The following NOS1AP variants were observed in gnomAD, a reference collection of about 807,000 sequenced individuals.
NOS1AP encodes carboxyl-terminal PDZ ligand of neuronal nitric oxide synthase protein.
In NOS1AP, 21 loss-of-function variants were observed where a neutral mutation model predicts 56.2. The observed-to-expected ratio is 0.37, with a 90% CI of 0.26 to 0.54. NOS1AP has a LOEUF of 0.54. Among genes scored for constraint, NOS1AP ranks in the 20% least tolerant of loss-of-function variants. NOS1AP has a pLI of 0.84. For synonymous variants in NOS1AP, 270 were observed against 274.6 expected (o/e 0.98, Z 0.17); for missense variants, 522 against 657.8 (o/e 0.79, Z 2.26).
At chr1:162,364,250 C>T (rs1657993713) in intron 8 of NOS1AP, 1 of 985,554 alleles carries the variant, frequency 1.0e-6, no homozygotes, top group African/African-American at 1.7e-5. Context: ...ACTCACCTGG[C>T]TCTGTCTTTA....
At chr1:162,200,636 A>G (rs1452103357) in intron 2 of NOS1AP, among the ~76,000 whole-genome samples, 2 of 152,202 alleles carry the variant, frequency 1.3e-5, no homozygotes, top group African/African-American at 4.8e-5. Context: ...TCAGAGTGAT[A>G]TCACCCCTGA....
At chr1:162,328,382 G>A (rs1656661711) in intron 4 of NOS1AP, among the ~76,000 whole-genome samples, 1 of 152,146 alleles carries the variant, frequency 6.6e-6, no homozygotes. Context: ...CTTAAGAAAG[G>A]AGTAAATATA....
At chr1:162,258,433 A>G (rs1654104565) in intron 2 of NOS1AP, among the ~76,000 whole-genome samples, 2 of 152,118 alleles carry the variant, frequency 1.3e-5, no homozygotes, top group Non-Finnish European at 2.9e-5. Flanking sequence ...TGGGAGACAT[A>G]GGTGCATCTT....
intron 2 of NOS1AP, among the ~76,000 whole-genome samples, chr1:162,238,986 C>A (rs76234443): frequency 6.6e-6 from 1 of 152,074 alleles, no homozygotes; most frequent in African/African-American, 2.4e-5. Context: ...ATCTGTAGAC[C>A]TATTCCTAGA....
chr1:162,274,065 T>C (rs1654666771), intron 2 of NOS1AP, among the ~76,000 whole-genome samples: 3 of 152,200 alleles, frequency 2.0e-5, no homozygotes, highest in Non-Finnish European at 4.4e-5. Context: ...TTTCCCTTTC[T>C]CTAGGGTAAA....
intron 2 of NOS1AP, among the ~76,000 whole-genome samples, chr1:162,230,742 C>T (rs1003551286): frequency 5.3e-5 from 8 of 152,236 alleles, no homozygotes; most frequent in Non-Finnish European, 1.0e-4. Flanking sequence ...TGGAATTATG[C>T]AGTATTTGTT....
chr1:162,102,998 G>A (rs955418291), intron 1 of NOS1AP, among the ~76,000 whole-genome samples: 2 of 151,802 alleles, frequency 1.3e-5, no homozygotes, highest in East Asian at 3.9e-4. Context: ...TTTGCTCTTG[G>A]TTCTCTAGTT....
intron 6 of NOS1AP, among the ~76,000 whole-genome samples, chr1:162,350,996 T>C (rs1482463780): frequency 6.6e-6 from 1 of 152,238 alleles, no homozygotes; most frequent in Non-Finnish European, 1.5e-5. Flanking sequence ...GATGGTTTCA[T>C]GTACACAAAT....
intron 5 of NOS1AP, among the ~76,000 whole-genome samples, chr1:162,340,916 G>C (rs347286): frequency 0.87 from 133,117 of 152,202 alleles, 59,100 homozygotes; most frequent in Non-Finnish European, 0.95. Flanking sequence ...TGAGTATGTT[G>C]CACATGTTTG....
intron 1 of NOS1AP, among the ~76,000 whole-genome samples, chr1:162,145,378 T>C (rs1649418707): frequency 6.6e-6 from 1 of 152,096 alleles, no homozygotes; most frequent in African/African-American, 2.4e-5. Flanking sequence ...CCCTAGCACC[T>C]GGAGAGCCCC....
chr1:162,302,513 T>G (rs1037545937), intron 4 of NOS1AP, among the ~76,000 whole-genome samples: 21 of 152,200 alleles, frequency 1.4e-4, no homozygotes, highest in Non-Finnish European at 1.3e-4. Context: ...ATTTTCTTAA[T>G]GCTGGCACCA....
At position 162,254,450 on chromosome 1, in the gene NOS1AP, G is replaced by A. The variant is rs2101696839; in HGVS notation, c.178-32894G>A. ...CCAGCAGGGGCCAGTGGTTTTAAAGGGCAAAGCCATGGGCCTGCTAGATGA... is the reference window on the plus strand; with the variant it reads ...CCAGCAGGGGCCAGTGGTTTTAAAGAGCAAAGCCATGGGCCTGCTAGATGA... On this transcript the variant is annotated intron_variant, in intron 2 of 9. Coordinates refer to ENST00000361897, the MANE Select transcript of NOS1AP (RefSeq NM_014697.3). 2.6e-5 allele frequency among the ~76,000 whole-genome samples: 4 copies of A among 152,234 alleles called. No homozygotes were observed. In the Middle Eastern group the frequency reaches 0.014, roughly 518 times the overall value.
At chr1:162,127,027 A>G (rs1648518501) in intron 1 of NOS1AP, among the ~76,000 whole-genome samples, 1 of 152,170 alleles carries the variant, frequency 6.6e-6, no homozygotes, top group African/African-American at 2.4e-5. Context: ...TTCTTTTGTT[A>G]TGAGTAAGAT....
intron 2 of NOS1AP, among the ~76,000 whole-genome samples, chr1:162,195,639 T>TG (rs1187815317): frequency 2.0e-5 from 3 of 152,256 alleles, no homozygotes; most frequent in Admixed American, 6.5e-5. Flanking sequence ...CCATTACTGT[T>TG]GCCGTGTCCT....
At chr1:162,256,491 C>T (rs1208366109) in intron 2 of NOS1AP, among the ~76,000 whole-genome samples, 1 of 152,198 alleles carries the variant, frequency 6.6e-6, no homozygotes, top group Non-Finnish European at 1.5e-5. Context: ...TTTACTGTCT[C>T]CTTTCAGACT....
Position 162,367,583 on chromosome 1 carries a change from C to A in NOS1AP, c.*116C>A. ...CTGCCGAGGAGAATGCCAGCCAGGG[C>A]CCGGGAGAGTGTGAGGTTTCAGGAA... On this transcript the variant is annotated 3_prime_UTR_variant, in exon 10 of 10. Transcript: ENST00000361897. The surrounding 1 kb of genome is among the most constrained non-coding windows in gnomAD (Gnocchi z 6.5). The A allele has an allele frequency of 1.7e-6, 2 of 1,161,298 alleles. No individual in the cohort carries two copies. The highest frequency in any genetic ancestry group is 2.4e-6 in the Non-Finnish European group (2 of 842,928). 71.9% of individuals were successfully genotyped at this position (1,161,298 alleles called of 1,614,324 possible). A position where few individuals can be genotyped will look rare whatever the true frequency, so the allele number is the denominator to read the frequency against.
chr1:162,264,867 A>T (rs1288680377), intron 2 of NOS1AP, among the ~76,000 whole-genome samples: 2 of 143,600 alleles, frequency 1.4e-5, no homozygotes, highest in Non-Finnish European at 3.0e-5. Flanking sequence ...ACACTGGAGT[A>T]CAGGGGCACA....
At chr1:162,364,954 G>A (rs990160506) in intron 8 of NOS1AP, 1 of 1,030,256 alleles carries the variant, frequency 9.7e-7, no homozygotes, top group Middle Eastern at 4.8e-4. Context: ...TTTTGGTTTT[G>A]TTTTTTAGAA....
intron 2 of NOS1AP, among the ~76,000 whole-genome samples, chr1:162,265,750 G>A (rs1017291741): frequency 1.3e-5 from 2 of 152,214 alleles, no homozygotes; most frequent in African/African-American, 4.8e-5. Flanking sequence ...ACTGAGCTAT[G>A]AGTTGAACCT....
Sources: gnomAD v4.1 joint callset for allele counts (sites outside exome capture counted in the v4.1 genomes callset) on GRCh38, gnomAD v4.1.1 for gene constraint, Gnocchi (gnomAD v3.1) non-coding constraint, MANE v1.5 for transcripts, NCBI Gene and HGNC (gene_info 2026-07-23, HGNC 2026-07-21) for gene names.